The following PPP1R13B variants were observed in gnomAD, a reference collection of about 807,000 sequenced individuals.
PPP1R13B encodes protein phosphatase 1 regulatory subunit 13B, also known as apoptosis-stimulating of p53 protein 1.
Under a neutral mutation model 119.8 loss-of-function variants are expected in PPP1R13B, and 44 were observed. That is an observed-to-expected ratio of 0.37 (90% CI 0.29 to 0.47). The LOEUF (loss-of-function observed/expected upper bound fraction) is 0.47, where lower values mean the gene tolerates loss of function less well. Ranked by LOEUF, PPP1R13B falls within the 20% of genes least tolerant of loss-of-function variation. The probability of loss-of-function intolerance (pLI) is 0.99; values close to 1 mark genes in which losing one functional copy is unlikely to be tolerated. For synonymous variants in PPP1R13B, 542 were observed against 561.5 expected (o/e 0.97, Z 0.49); for missense variants, 1,227 against 1,413.5 (o/e 0.87, Z 2.12).
intron 1 of PPP1R13B, among the ~76,000 whole-genome samples, chr14:103,844,558 T>G (rs1243606989): frequency 6.6e-6 from 1 of 151,852 alleles, no homozygotes; most frequent in Non-Finnish European, 1.5e-5. Context: ...AGTGAAACCC[T>G]GTTTCTACAA....
At chr14:103,834,464 C>G (rs1184931260) in intron 1 of PPP1R13B, among the ~76,000 whole-genome samples, 8 of 151,978 alleles carry the variant, frequency 5.3e-5, no homozygotes, top group Admixed American at 4.6e-4. Context: ...GAGGTAGAGA[C>G]CCCAAGAAGG....
chr14:103,825,168 AAACTT>A (rs1217111359), intron 1 of PPP1R13B, among the ~76,000 whole-genome samples: 1 of 152,184 alleles, frequency 6.6e-6, no homozygotes, highest in East Asian at 1.9e-4. Flanking sequence ...GTAGAACAGC[AAACTT>A]AACTGGTAAG....
At chr14:103,748,061 TCACATACACACA>T (rs1279706481) in intron 8 of PPP1R13B, among the ~76,000 whole-genome samples, 5 of 111,300 alleles carry the variant, frequency 4.5e-5, no homozygotes, top group African/African-American at 1.9e-4. Context: ...ATTCCTTAAA[TCACATACACACA>T]CACACACACA....
chr14:103,834,613 C>A (rs1484546722), intron 1 of PPP1R13B, among the ~76,000 whole-genome samples: 1 of 130,636 alleles, frequency 7.7e-6, no homozygotes, highest in Non-Finnish European at 1.6e-5. Context: ...TTTTTGAGAC[C>A]GAGTTTCGCT....
chr14:103,838,210 G>GCACA (rs10640450), intron 1 of PPP1R13B, among the ~76,000 whole-genome samples: 5,846 of 149,442 alleles, frequency 0.039, 246 homozygotes, highest in Admixed American at 0.12. Context: ...CTCTGTTATG[G>GCACA]CACACACACA....
chr14:103,784,526 T>C (rs2152024899), intron 3 of PPP1R13B, among the ~76,000 whole-genome samples: 1 of 134,964 alleles, frequency 7.4e-6, no homozygotes, highest in East Asian at 2.2e-4. Context: ...GAGGTTGCAG[T>C]GAGCCAAGAT....
intron 4 of PPP1R13B, among the ~76,000 whole-genome samples, chr14:103,776,681 G>A (rs144091006): frequency 6.6e-6 from 1 of 152,208 alleles, no homozygotes; most frequent in East Asian, 2.0e-4. Flanking sequence ...GACCATCTTG[G>A]CTAACACGGT....
At chr14:103,790,633 C>G (rs2085594444) in intron 2 of PPP1R13B, among the ~76,000 whole-genome samples, 1 of 151,560 alleles carries the variant, frequency 6.6e-6, no homozygotes, top group Non-Finnish European at 1.5e-5. Flanking sequence ...AGAAAACTAG[C>G]CTGGGAGGTG....
At chr14:103,788,788 T>A (rs1008852831) in intron 2 of PPP1R13B, among the ~76,000 whole-genome samples, 1 of 151,914 alleles carries the variant, frequency 6.6e-6, no homozygotes, top group African/African-American at 2.4e-5. Flanking sequence ...CTGAAAAAAA[T>A]TAGCATTTTT....
At chr14:103,811,299 T>C (rs941332921) in intron 1 of PPP1R13B, among the ~76,000 whole-genome samples, 2 of 151,934 alleles carry the variant, frequency 1.3e-5, no homozygotes, top group Non-Finnish European at 2.9e-5. Context: ...CAGAACAATA[T>C]ATAACAGTTA....
intron 1 of PPP1R13B, among the ~76,000 whole-genome samples, chr14:103,837,710 T>A (rs1025141186): frequency 7.2e-5 from 11 of 152,194 alleles, no homozygotes; most frequent in Non-Finnish European, 1.0e-4. Flanking sequence ...CTACTCTTCC[T>A]GTTTATTTTT....
At chr14:103,745,690 C>A (rs1054340359) in intron 9 of PPP1R13B, among the ~76,000 whole-genome samples, 2 of 152,222 alleles carry the variant, frequency 1.3e-5, no homozygotes, top group Admixed American at 6.5e-5. Context: ...AGGGGCAGCC[C>A]CTCCACTTGG....
intron 2 of PPP1R13B, among the ~76,000 whole-genome samples, chr14:103,787,319 C>A (rs1428165313): frequency 6.6e-6 from 1 of 151,798 alleles, no homozygotes; most frequent in East Asian, 2.0e-4. Context: ...CATGGTGGCG[C>A]ATGCCTGTGG....
intron 1 of PPP1R13B, among the ~76,000 whole-genome samples, chr14:103,833,671 T>G (rs967563196): frequency 6.6e-6 from 1 of 151,692 alleles, no homozygotes; most frequent in African/African-American, 2.4e-5. Context: ...ATAAAATCCT[T>G]CTACCTAAAA....
Position 103,797,097 on chromosome 14 carries a change from C to CA in PPP1R13B, c.157+273dup, listed in dbSNP as rs34404212. 8.5e-3 allele frequency among the ~76,000 whole-genome samples: 925 copies of CA among 109,398 alleles called. 6 individuals carry two copies. Among genetic ancestry groups the CA allele is most frequent in the Middle Eastern group, 0.028 (5 of 180 alleles). The allele number at this position is 109,398 out of a possible 152,430, so 71.8% of individuals were successfully genotyped here. A position where few individuals can be genotyped will look rare whatever the true frequency, so the allele number is the denominator to read the frequency against. On this transcript the variant is annotated intron_variant, in intron 2 of 16. Coordinates refer to ENST00000202556, the MANE Select transcript of PPP1R13B (RefSeq NM_015316.3). ...TGGGAGACAGAGTGAGATACTGTCT[C>CA]AAAAAAAAAAAAAAAAGTATACAAA...
At chr14:103,788,705 G>A (rs563089555) in intron 2 of PPP1R13B, among the ~76,000 whole-genome samples, 1 of 150,964 alleles carries the variant, frequency 6.6e-6, no homozygotes, top group African/African-American at 2.4e-5. Flanking sequence ...AAAAAAAAAA[G>A]TTTCTCCTCT....
chr14:103,764,736 C>T (rs1424018893), intron 4 of PPP1R13B, among the ~76,000 whole-genome samples: 1 of 151,922 alleles, frequency 6.6e-6, no homozygotes, highest in Non-Finnish European at 1.5e-5. Context: ...TTTCGGTCTG[C>T]AGTGCCATTT....
At chr14:103,796,531 GAATGT>G (rs2085761525) in intron 2 of PPP1R13B, among the ~76,000 whole-genome samples, 1 of 152,172 alleles carries the variant, frequency 6.6e-6, no homozygotes, top group Admixed American at 6.5e-5. Flanking sequence ...CTGCTGCAGG[GAATGT>G]AAAATGAAGC....
In PPP1R13B at chr14:103,778,496, G is replaced by A. The variant is rs1449891636; in HGVS notation, c.354+249C>T. ...CAAGCTGGTCTCAACTCCTGACCTC[G>A]TGATCTGTGCGCCTCAGTCTCCCAA... On this transcript the variant is annotated intron_variant, in intron 4 of 16. Coordinates refer to ENST00000202556, the MANE Select transcript of PPP1R13B (RefSeq NM_015316.3). 7.9e-5 allele frequency: 26 copies of A among 328,942 alleles called. No homozygotes were observed. The East Asian group carries it at 1.1e-3, about 14-fold the overall frequency. The allele number at this position is 328,942 out of a possible 1,614,324, so 20.4% of individuals were successfully genotyped here.
Sources: gnomAD v4.1 joint callset for allele counts (sites outside exome capture counted in the v4.1 genomes callset) on GRCh38, gnomAD v4.1.1 for gene constraint, MANE v1.5 for transcripts, NCBI Gene and HGNC (gene_info 2026-07-23, HGNC 2026-07-21) for gene names.